The following MB variants were observed in gnomAD, a reference collection of about 807,000 sequenced individuals.
MB encodes nitrite reductase MB.
MB carries 10 observed loss-of-function variants against 14.5 expected under a neutral mutation model. That is an observed-to-expected ratio of 0.69 (90% CI 0.43 to 1.17). The LOEUF is 1.17. Among genes scored for constraint, MB ranks in the 50% most tolerant of loss-of-function variants. The pLI is 0.00. For missense variants in MB, 169 were observed against 192.7 expected (o/e 0.88, Z 0.73); for synonymous variants, 89 against 78.6 (o/e 1.13, Z -0.70).
At chr22:35,622,267 C>T (rs923006376), upstream of MB, among the ~76,000 whole-genome samples, 1 of 152,198 alleles carries the variant, frequency 6.6e-6, no homozygotes, top group African/African-American at 2.4e-5. Context: ...CCTCCCACCC[C>T]ACCCCCAGCT....
At chr22:35,612,784 C>T (rs1478030136) in intron 1 of MB, among the ~76,000 whole-genome samples, 10 of 152,232 alleles carry the variant, frequency 6.6e-5, no homozygotes, top group African/African-American at 9.7e-5. Flanking sequence ...TACAGGCAAA[C>T]TGATACCTAC....
chr22:35,612,003 A>G (rs1483187231), intron 1 of MB, among the ~76,000 whole-genome samples: 2 of 152,284 alleles, frequency 1.3e-5, no homozygotes, highest in East Asian at 3.9e-4. Flanking sequence ...ATGGAAGACC[A>G]CAGAGATAAG....
upstream of MB, among the ~76,000 whole-genome samples, chr22:35,619,715 A>G (rs879698643): frequency 7.2e-5 from 11 of 152,264 alleles, no homozygotes; most frequent in Admixed American, 1.3e-4. Context: ...AAAGAGTTAA[A>G]TTCAAAGAAT....
intron 2 of MB, among the ~76,000 whole-genome samples, chr22:35,609,534 G>A (rs1405534842): frequency 2.0e-5 from 3 of 152,160 alleles, no homozygotes; most frequent in Non-Finnish European, 4.4e-5. Flanking sequence ...GAGGGGTGGC[G>A]GTGGTTGTCA....
upstream of MB, among the ~76,000 whole-genome samples, chr22:35,618,887 A>ATCCATCACCCACCCATCCC (rs1452782002): frequency 0.02 from 2,890 of 147,402 alleles, 77 homozygotes; most frequent in East Asian, 0.11. Flanking sequence ...CCATCTATCC[A>ATCCATCACCCACCCATCCC]TCCATCACCC....
At chr22:35,607,560 C>G in intron 2 of MB, 117 bp from the exon 3 acceptor site, 1 of 951,124 alleles carries the variant, frequency 1.1e-6, no homozygotes, top group Non-Finnish European at 1.6e-6. Context: ...TGAGCACTTG[C>G]TAGGCACCAG....
At position 35,611,125 on chromosome 22, in the gene MB, C is replaced by T. The variant is rs764378312; in HGVS notation, c.96-19G>A. On this transcript the variant is annotated intron_variant, in intron 1 of 2. Coordinates refer to ENST00000397326, the MANE Select transcript of MB (RefSeq NM_005368.3). ...AAAGAGCCTGTGGGCACAGGGAAGG[C>T]TGGAGTCGGCATGGGAGGTGCGGTG... The T allele has an allele frequency of 1.6e-5, 26 of 1,595,108 alleles. No homozygotes were observed. The highest frequency in any genetic ancestry group is 2.7e-5 in the African/African-American group (2 of 74,488).
rs1922592545 is a variant in MB at position 35,611,116 on chromosome 22, C to G, written c.96-10G>C. ...GTGACCCTTAAAGAGCCTGTGGGCACAGGGAAGGCTGGAGTCGGCATGGGA... is the reference window on the plus strand; with the variant it reads ...GTGACCCTTAAAGAGCCTGTGGGCAGAGGGAAGGCTGGAGTCGGCATGGGA... On this transcript the variant is annotated splice_polypyrimidine_tract_variant and intron_variant, in intron 1 of 2. Coordinates refer to ENST00000397326, the MANE Select transcript of MB (RefSeq NM_005368.3). 1 of 1,609,640 alleles carries G rather than the reference C, an allele frequency of 6.2e-7. No homozygotes were observed. Among genetic ancestry groups the G allele is most frequent in the Non-Finnish European group, 8.5e-7 (1 of 1,176,380 alleles).
upstream of MB, chr22:35,617,561 G>A: frequency 2.9e-6 from 1 of 343,254 alleles, no homozygotes; most frequent in East Asian, 6.3e-5. Context: ...TGTGCGTGTG[G>A]AAAGAAGGGG....
At chr22:35,620,283 G>A (rs1232719906), upstream of MB, among the ~76,000 whole-genome samples, 1 of 152,154 alleles carries the variant, frequency 6.6e-6, no homozygotes, top group Non-Finnish European at 1.5e-5. Context: ...GCAGTGAGCC[G>A]AGATCGCTGT....
chr22:35,612,262 C>T (rs1246999054), intron 1 of MB, among the ~76,000 whole-genome samples: 1 of 152,158 alleles, frequency 6.6e-6, no homozygotes, highest in Non-Finnish European at 1.5e-5. Flanking sequence ...CTCCAGTTTG[C>T]GCCCTGAGCC....
Position 35,613,327 on chromosome 22 carries a change from C to T in MB, c.96-2221G>A, listed in dbSNP as rs1024785721. On this transcript the variant is annotated intron_variant, in intron 1 of 2. Coordinates refer to ENST00000397326, the MANE Select transcript of MB (RefSeq NM_005368.3). ...GAAGAGAACATGGGACTGACAGTTACGGAAGCTGAGTTCCGGTCCCAGTTC... is the reference window on the plus strand; with the variant it reads ...GAAGAGAACATGGGACTGACAGTTATGGAAGCTGAGTTCCGGTCCCAGTTC... 6.6e-5 allele frequency among the ~76,000 whole-genome samples: 10 copies of T among 152,320 alleles called. No individual in the cohort carries two copies. In the East Asian group the frequency reaches 1.7e-3, roughly 26 times the overall value.
chr22:35,612,021 G>A (rs1296669783), intron 1 of MB, among the ~76,000 whole-genome samples: 2 of 152,144 alleles, frequency 1.3e-5, no homozygotes, highest in East Asian at 3.9e-4. Context: ...AAGTGGCCAA[G>A]GTCACTTGGC....
chr22:35,609,364 G>C (rs558333589), intron 2 of MB, among the ~76,000 whole-genome samples: 4 of 152,340 alleles, frequency 2.6e-5, no homozygotes, highest in East Asian at 3.9e-4. Context: ...AGATGGCTTC[G>C]CACTGGGCCT....
intron 2 of MB, 46 bp downstream of exon 2, chr22:35,610,838 C>A (rs747070094): frequency 2.6e-6 from 4 of 1,519,258 alleles, no homozygotes; most frequent in East Asian, 4.6e-5. Context: ...TTGCCCCACC[C>A]GAGGCCTTCC....
chr22:35,606,865 G>A lies in MB; in HGVS notation c.*432C>T, dbSNP rs145646310. The A allele has an allele frequency of 5.5e-3, 864 of 155,956 alleles. 6 individuals carry two copies. The highest frequency in any genetic ancestry group is 0.018 in the African/African-American group (762 of 41,702). 9.7% of individuals were successfully genotyped at this position (155,956 alleles called of 1,614,324 possible). ...AGTCAAATGCTTCCCCAGCTGGCCC[G>A]CCCAGCCCAGATCTCCTCCTCATTG... On this transcript the variant is annotated 3_prime_UTR_variant, in exon 3 of 3. Coordinates refer to ENST00000397326, the MANE Select transcript of MB (RefSeq NM_005368.3).
At chr22:35,614,144 A>G (rs1350220210) in intron 1 of MB, among the ~76,000 whole-genome samples, 1 of 152,192 alleles carries the variant, frequency 6.6e-6, no homozygotes, top group African/African-American at 2.4e-5. Context: ...TGTTCTCTGA[A>G]CTGAGGCCCA....
At chr22:35,618,575 A>G (rs557595435), upstream of MB, among the ~76,000 whole-genome samples, 22 of 151,962 alleles carry the variant, frequency 1.4e-4, 1 homozygote, top group East Asian at 4.3e-3. Context: ...GCATTCACTC[A>G]TCTATCCATC....
intron 1 of MB, chr22:35,623,094 C>G (rs1055806863): frequency 6.6e-6 from 1 of 152,310 alleles, no homozygotes; most frequent in Non-Finnish European, 1.5e-5. Flanking sequence ...CCAGGGACAC[C>G]CCTCCTCCCA....
Sources: allele counts gnomAD v4.1 joint callset (sites outside exome capture counted in the v4.1 genomes callset), GRCh38; gene constraint gnomAD v4.1.1; transcripts MANE v1.5; gene names NCBI Gene and HGNC (gene_info 2026-07-23, HGNC 2026-07-21).